FLT1: variants seen among roughly 807,000 people sequenced by gnomAD.
The protein encoded by FLT1 is fms related receptor tyrosine kinase 1.
FLT1 carries 49 observed loss-of-function variants against 156.3 expected under a neutral mutation model. That is an observed-to-expected ratio of 0.31 (90% CI 0.25 to 0.40). The LOEUF is 0.40. Ranked by LOEUF, FLT1 falls within the 10% of genes least tolerant of loss-of-function variation. FLT1 has a pLI of 1.00. For synonymous variants in FLT1, 594 were observed against 583.8 expected (o/e 1.02, Z -0.25); for missense variants, 1,322 against 1,637.2 (o/e 0.81, Z 3.32).
chr13:28,370,006 C>A lies in FLT1; in HGVS notation c.2117-12321G>T, dbSNP rs530937615. Among the ~76,000 whole-genome samples, 9 of 152,084 alleles carry A rather than the reference C, an allele frequency of 5.9e-5. No individual in the cohort carries two copies. The East Asian group carries it at 1.5e-3, about 26-fold the overall frequency. On this transcript the variant is annotated intron_variant, in intron 14 of 29. Transcript: ENST00000282397. ...CTTGAGCCCAGGAGTTCAGGACCAG[C>A]CTGGGCAACACAGTGAGACTACTGT...
chr13:28,356,769 TTCACGTAAAACC>T (rs1872913768), intron 15 of FLT1, among the ~76,000 whole-genome samples: 1 of 152,242 alleles, frequency 6.6e-6, no homozygotes, highest in Non-Finnish European at 1.5e-5. Flanking sequence ...ATACCATCTT[TTCACGTAAAACC>T]TCAATATGCC....
chr13:28,397,753 T>C (rs1316352083), intron 11 of FLT1, among the ~76,000 whole-genome samples: 1 of 120,088 alleles, frequency 8.3e-6, no homozygotes, highest in Non-Finnish European at 1.6e-5. Flanking sequence ...GGAGACCGTG[T>C]GTGTGTGTGT....
intron 1 of FLT1, among the ~76,000 whole-genome samples, chr13:28,480,142 C>T (rs1880756135): frequency 6.6e-6 from 1 of 152,178 alleles, no homozygotes; most frequent in African/African-American, 2.4e-5. Context: ...CCTCATTTAG[C>T]TATGCTTCTT....
chr13:28,374,140 C>A (rs1257926654), intron 14 of FLT1, among the ~76,000 whole-genome samples: 5 of 152,038 alleles, frequency 3.3e-5, no homozygotes, highest in Non-Finnish European at 7.4e-5. Flanking sequence ...GTACTTAGTG[C>A]CACTTAATTG....
At chr13:28,442,454 A>G (rs140528861) in intron 3 of FLT1, among the ~76,000 whole-genome samples, 239 of 152,328 alleles carry the variant, frequency 1.6e-3, no homozygotes, top group African/African-American at 5.6e-3. Flanking sequence ...TTAATTCAAC[A>G]TATCTTTGAA....
rs1399201577 is a variant in FLT1, at chr13:28,384,895, T to C, written c.2106A>G (p.Gln702=). 1 of 1,613,908 alleles carries C rather than the reference T, an allele frequency of 6.2e-7. No individual in the cohort carries two copies. Among genetic ancestry groups the C allele is most frequent in the African/African-American group, 1.3e-5 (1 of 75,028 alleles). The stretch of plus-strand genomic sequence containing the variant: ...AAAAAAGTCTCTTACCAGGCTCTTG[T>C]TGTATTTTGTGGTTGTTTTTAAACC... ...ITWFKNNHKI[Q]QEPGIILGPG... Residue 702 remains glutamine (Q), a synonymous_variant, in exon 14 of 30, where the codon CAA becomes CAG. Coordinates refer to ENST00000282397, the MANE Select transcript of FLT1 (RefSeq NM_002019.4).
At chr13:28,455,285 T>A (rs184139262) in intron 3 of FLT1, among the ~76,000 whole-genome samples, 6 of 152,294 alleles carry the variant, frequency 3.9e-5, no homozygotes, top group Admixed American at 3.9e-4. Context: ...AGTGTGATAT[T>A]GGCAAAAGGA....
rs927374160 is a variant in FLT1, at chr13:28,466,665, C to T, written c.388+238G>A. ...CATACTGTGCTAGGAGCTGTGGGTA[C>T]AGAGGTGACCTATACAGACCAGTCT... On this transcript the variant is annotated intron_variant, in intron 3 of 29. Transcript: ENST00000282397. 8.6e-6 allele frequency: 5 copies of T among 584,746 alleles called. No homozygotes were observed. The African/African-American group carries it at 9.3e-5, about 11-fold the overall frequency. The allele number at this position is 584,746 out of a possible 1,614,324, so 36.2% of individuals were successfully genotyped here. A position where few individuals can be genotyped will look rare whatever the true frequency, so the allele number is the denominator to read the frequency against.
intron 3 of FLT1, among the ~76,000 whole-genome samples, chr13:28,452,872 T>A (rs1385810596): frequency 6.6e-6 from 1 of 151,768 alleles, no homozygotes; most frequent in Non-Finnish European, 1.5e-5. Flanking sequence ...GACAATGAAG[T>A]GTAAAGGGAT....
At chr13:28,317,956 A>G (rs1221794724) in intron 24 of FLT1, among the ~76,000 whole-genome samples, 1 of 114,592 alleles carries the variant, frequency 8.7e-6, no homozygotes, top group Non-Finnish European at 2.0e-5. Flanking sequence ...CCTTTGGGTT[A>G]GTGAGCTTTT....
At chr13:28,429,948 A>T in intron 8 of FLT1, 102 bp downstream of exon 8, 1 of 841,990 alleles carries the variant, frequency 1.2e-6, no homozygotes, top group Non-Finnish European at 2.1e-6. Flanking sequence ...TGTCTGAGGA[A>T]CGTCTCTTGG....
intron 14 of FLT1, among the ~76,000 whole-genome samples, chr13:28,384,124 C>A (rs185266252): frequency 4.2e-4 from 64 of 152,214 alleles, no homozygotes; most frequent in African/African-American, 1.4e-3. Flanking sequence ...TTAACATCTG[C>A]GTAGATGAAT....
chr13:28,374,013 G>A (rs1426132791), intron 14 of FLT1, among the ~76,000 whole-genome samples: 1 of 152,124 alleles, frequency 6.6e-6, no homozygotes, highest in Non-Finnish European at 1.5e-5. Context: ...AGAATCAAAA[G>A]AGGAGGTTAA....
chr13:28,379,916 C>A (rs1205913913), intron 14 of FLT1, among the ~76,000 whole-genome samples: 2 of 152,130 alleles, frequency 1.3e-5, no homozygotes, highest in African/African-American at 4.8e-5. Context: ...AAAGCTTGAG[C>A]CCTTGTGTGT....
In FLT1 at chr13:28,321,501, C is replaced by T. The variant is rs761392227; in HGVS notation, c.3136G>A (p.Asp1046Asn). ...ACATAATCGGGGTTCTTATAAATATCCCGGGCAAGGCCAAAATCACAAATC... is the reference window on the plus strand; with the variant it reads ...ACATAATCGGGGTTCTTATAAATATTCCGGGCAAGGCCAAAATCACAAATC... ...VKICDFGLAR[D>N]IYKNPDYVRK... The change falls in exon 23 of 30, where the codon GAT (aspartate) becomes AAT (asparagine). Residue 1046 changes from aspartate (D) to asparagine (N), a missense_variant. By Grantham distance (23) the Asp-to-Asn change is conservative. Around this residue, in one of 3 missense-constraint regions of FLT1, gnomAD observed 329 missense variants for 366.2 expected, o/e 0.90. Coordinates refer to ENST00000282397, the MANE Select transcript of FLT1 (RefSeq NM_002019.4). The T allele has an allele frequency of 3.1e-6, 5 of 1,614,158 alleles. No homozygotes were observed. The Admixed American group carries it at 5.0e-5, about 16-fold the overall frequency.
chr13:28,317,041 T>C (rs1871239988), intron 25 of FLT1, among the ~76,000 whole-genome samples: 1 of 152,206 alleles, frequency 6.6e-6, no homozygotes, highest in East Asian at 1.9e-4. Flanking sequence ...GCAGACCACA[T>C]CAACCCCCTC....
intron 19 of FLT1, 99 bp downstream of exon 19, chr13:28,329,516 G>A (rs1306928537): frequency 3.5e-6 from 3 of 859,540 alleles, no homozygotes; most frequent in Non-Finnish European, 5.8e-6. Flanking sequence ...TCCTGGAGGC[G>A]AGGAAGCACA....
At chr13:28,328,058 T>C (rs1160745751) in intron 19 of FLT1, among the ~76,000 whole-genome samples, 1 of 152,212 alleles carries the variant, frequency 6.6e-6, no homozygotes, top group Non-Finnish European at 1.5e-5. Context: ...CGGCAAACTC[T>C]TCTTGTAAAG....
chr13:28,452,232 G>A (rs931014748), intron 3 of FLT1, among the ~76,000 whole-genome samples: 22 of 152,170 alleles, frequency 1.4e-4, no homozygotes, highest in African/African-American at 5.3e-4. Context: ...GCAAGGACAC[G>A]TTAGAAAGAC....
Sources: gnomAD v4.1 joint callset for allele counts (sites outside exome capture counted in the v4.1 genomes callset) on GRCh38, gnomAD v4.1.1 for gene constraint, gnomAD v4.1.1 regional missense constraint, MANE v1.5 for transcripts, NCBI Gene and HGNC (gene_info 2026-07-23, HGNC 2026-07-21) for gene names.